The following LINGO2 variants were observed in gnomAD, a reference collection of about 807,000 sequenced individuals.
The protein encoded by LINGO2 is leucine-rich repeat and immunoglobulin-like domain-containing nogo receptor-interacting protein 2.
In LINGO2, 14 loss-of-function variants were observed where a neutral mutation model predicts 30.6. The ratio of observed to expected loss-of-function variants is 0.46; its 90% confidence interval spans 0.30 to 0.72. LINGO2 has a LOEUF of 0.72. LINGO2 is among the 30% of genes least tolerant of loss of function. The pLI, the probability that LINGO2 is intolerant of heterozygous loss-of-function variation, is 0.07. For missense variants in LINGO2, 729 were observed against 751.7 expected, an observed-to-expected ratio of 0.97 and a Z score of 0.35; for synonymous variants, 317 against 288.5, an observed-to-expected ratio of 1.10 and a Z score of -1.00.
At chr9:28,077,249 T>A (rs1370527879) in intron 4 of LINGO2, among the ~76,000 whole-genome samples, 1 of 152,052 alleles carries the variant, frequency 6.6e-6, no homozygotes, top group Non-Finnish European at 1.5e-5. Context: ...TACCACAAAA[T>A]CTTAGATAGG....
chr9:28,002,675 A>G (rs1031710223), intron 5 of LINGO2, among the ~76,000 whole-genome samples: 1 of 152,190 alleles, frequency 6.6e-6, no homozygotes, highest in Non-Finnish European at 1.5e-5. Flanking sequence ...ATATTTAAGT[A>G]CAAGTCCTTG....
At chr9:28,381,951 G>T (rs1006277544) in intron 2 of LINGO2, among the ~76,000 whole-genome samples, 4 of 151,694 alleles carry the variant, frequency 2.6e-5, no homozygotes, top group Admixed American at 6.6e-5. Flanking sequence ...ACTTTTAATA[G>T]CAGCATATTA....
At chr9:28,636,278 A>T (rs1321689040) in intron 1 of LINGO2, among the ~76,000 whole-genome samples, 1 of 152,216 alleles carries the variant, frequency 6.6e-6, no homozygotes, top group East Asian at 1.9e-4. Context: ...GTGCCACAAT[A>T]AACATACGTG....
At chr9:28,217,128 T>C (rs1464041267) in intron 4 of LINGO2, among the ~76,000 whole-genome samples, 2 of 150,168 alleles carry the variant, frequency 1.3e-5, no homozygotes, top group African/African-American at 4.9e-5. Flanking sequence ...AATGTATACA[T>C]ATAATATAAA....
the LINGO2 span, among the ~76,000 whole-genome samples, chr9:28,795,578 A>G: frequency 1.3e-5 from 2 of 151,466 alleles, no homozygotes; most frequent in East Asian, 1.9e-4. Context: ...TATCTTATAT[A>G]TCTTTCATAT....
At chr9:29,001,848 A>C in the LINGO2 span, among the ~76,000 whole-genome samples, 3 of 152,112 alleles carry the variant, frequency 2.0e-5, no homozygotes, top group African/African-American at 7.2e-5. Context: ...GGCAACCTCA[A>C]ATAGCAAATA....
chr9:28,763,585 A>G, the LINGO2 span, among the ~76,000 whole-genome samples: 1 of 151,974 alleles, frequency 6.6e-6, no homozygotes, highest in Admixed American at 6.6e-5. Context: ...AAAAAGAAAA[A>G]CAATTTTAAA....
chr9:28,424,122 G>A (rs1037967022), intron 2 of LINGO2, among the ~76,000 whole-genome samples: 1 of 151,990 alleles, frequency 6.6e-6, no homozygotes, highest in Non-Finnish European at 1.5e-5. Context: ...TCACTTGGTA[G>A]GATCACCTCT....
intron 3 of LINGO2, among the ~76,000 whole-genome samples, chr9:28,316,786 C>T (rs1480569049): frequency 1.3e-5 from 2 of 152,068 alleles, no homozygotes; most frequent in African/African-American, 4.8e-5. Flanking sequence ...CCAAGAAGTT[C>T]CAAGAAGGCC....
chr9:28,361,878 T>C (rs373284885), intron 3 of LINGO2, among the ~76,000 whole-genome samples: 9 of 152,344 alleles, frequency 5.9e-5, no homozygotes, highest in East Asian at 3.9e-4. Flanking sequence ...CTTTTAAAGA[T>C]GAAGACACTG....
intron 2 of LINGO2, among the ~76,000 whole-genome samples, chr9:28,435,835 A>G (rs542027223): frequency 1.8e-4 from 27 of 152,308 alleles, no homozygotes; most frequent in South Asian, 8.3e-4. Flanking sequence ...AATCAATACA[A>G]AAGATAATAG....
intron 4 of LINGO2, among the ~76,000 whole-genome samples, chr9:28,069,656 G>C (rs1481314054): frequency 6.6e-6 from 1 of 152,130 alleles, no homozygotes; most frequent in African/African-American, 2.4e-5. Flanking sequence ...AATCTCACCA[G>C]ATATTCTGAT....
chr9:28,884,017 T>C, the LINGO2 span, among the ~76,000 whole-genome samples: 1 of 151,988 alleles, frequency 6.6e-6, no homozygotes, highest in Admixed American at 6.6e-5. Flanking sequence ...AATATACTTA[T>C]TATATATTAA....
rs3064665 is a variant in LINGO2, at chr9:28,022,867, TTTTTG to T, written c.-86-10467_-86-10463del. ...ACAACTCTGGATGTTCTCTGCTGAT[TTTTTG>T]TTTTGTTTTGTTTTTCAGTTTGGGA... On this transcript the variant is annotated intron_variant, in intron 4 of 5. Transcript: ENST00000379992. Among the ~76,000 whole-genome samples, 115 of 150,446 alleles carry T rather than the reference TTTTTG, an allele frequency of 7.6e-4. 1 individual carries two copies. The highest frequency in any genetic ancestry group is 2.6e-3 in the African/African-American group (105 of 40,894).
At position 28,510,226 on chromosome 9, in the gene LINGO2, C is replaced by T. The variant is rs376003899; in HGVS notation, c.-364-34201G>A. On this transcript the variant is annotated intron_variant, in intron 1 of 5. Transcript: ENST00000379992. ...AATGCAAGGCTTAGGGGTACCAACT[C>T]CTCATGCAATTGAAAACCCACATAA... Among the ~76,000 whole-genome samples, 63 of 152,282 alleles carry T rather than the reference C, an allele frequency of 4.1e-4. 3 individuals carry two copies. The South Asian group carries it at 0.012, about 30-fold the overall frequency.
the LINGO2 span, among the ~76,000 whole-genome samples, chr9:28,869,595 A>C: frequency 6.6e-6 from 1 of 152,026 alleles, no homozygotes; most frequent in East Asian, 1.9e-4. Flanking sequence ...ATTAGCTAAA[A>C]GTCCAGTGGT....
At chr9:28,235,827 A>G (rs1821542885) in intron 4 of LINGO2, among the ~76,000 whole-genome samples, 1 of 152,208 alleles carries the variant, frequency 6.6e-6, no homozygotes, top group Admixed American at 6.5e-5. Flanking sequence ...CACCTACAAG[A>G]TCTAGAAAAC....
chr9:29,185,014 T>A, the LINGO2 span, among the ~76,000 whole-genome samples: 28 of 152,172 alleles, frequency 1.8e-4, no homozygotes. Context: ...TTTTCATAAG[T>A]CTAAATAGAC....
chr9:28,504,589 G>T (rs1820026346), intron 1 of LINGO2, among the ~76,000 whole-genome samples: 1 of 151,620 alleles, frequency 6.6e-6, no homozygotes, highest in Middle Eastern at 3.4e-3. Flanking sequence ...TTAACTGCTA[G>T]ATTTTTTTTC....
Sources: allele counts gnomAD v4.1 joint callset (sites outside exome capture counted in the v4.1 genomes callset), GRCh38; gene constraint gnomAD v4.1.1; transcripts MANE v1.5; gene names NCBI Gene and HGNC (gene_info 2026-07-23, HGNC 2026-07-21).